Variants in NME7 observed in about 807,000 individuals in gnomAD.
NME7 encodes nucleoside diphosphate kinase 7.
NME7 carries 41 observed loss-of-function variants against 49.1 expected under a neutral mutation model. The observed-to-expected ratio is 0.83, with a 90% CI of 0.65 to 1.08. The LOEUF is 1.08. NME7 is among the 50% of genes least tolerant of loss of function. The probability of loss-of-function intolerance (pLI) is 0.00; values close to 1 mark genes in which losing one functional copy is unlikely to be tolerated. For missense variants in NME7, 423 were observed against 463.4 expected (o/e 0.91, Z 0.80); for synonymous variants, 139 against 150.6 (o/e 0.92, Z 0.56).
At chr1:169,268,929 C>T (rs1435447199) in intron 7 of NME7, among the ~76,000 whole-genome samples, 1 of 132,566 alleles carries the variant, frequency 7.5e-6, no homozygotes, top group African/African-American at 2.5e-5. Context: ...CACATGTACC[C>T]CTGAACCTAA....
chr1:169,247,633 C>G (rs569761129), intron 7 of NME7, among the ~76,000 whole-genome samples: 2 of 152,132 alleles, frequency 1.3e-5, no homozygotes, highest in South Asian at 2.1e-4. Flanking sequence ...TCCCTCACCC[C>G]CCTCAACCCT....
intron 11 of NME7, among the ~76,000 whole-genome samples, chr1:169,142,600 G>C (rs1378775627): frequency 6.6e-6 from 1 of 152,154 alleles, no homozygotes; most frequent in Non-Finnish European, 1.5e-5. Context: ...AAAAACCCAG[G>C]ATTACTAGTT....
chr1:169,310,119 G>T, intron 3 of NME7, 39 bp from the exon 4 acceptor site: 1 of 1,229,302 alleles, frequency 8.1e-7, no homozygotes, highest in Non-Finnish European at 1.2e-6. Context: ...AATAAAAATA[G>T]TTCAACAGTT....
chr1:169,132,728 G>A lies in NME7; in HGVS notation c.*57C>T. On this transcript the variant is annotated 3_prime_UTR_variant, in exon 12 of 12. Coordinates refer to ENST00000367811, the MANE Select transcript of NME7 (RefSeq NM_013330.5). ...ATAAAAGAATGAACACATTCCTCGT[G>A]TGTGATTCACTCTTGTCTAAATGTC... 6.7e-7 allele frequency: 1 copy of A among 1,496,696 alleles called. No individual in the cohort carries two copies. The highest frequency in any genetic ancestry group is 9.3e-7 in the Non-Finnish European group (1 of 1,077,426). The allele number at this position is 1,496,696 out of a possible 1,614,324, so 92.7% of individuals were successfully genotyped here. A position where few individuals can be genotyped will look rare whatever the true frequency, so the allele number is the denominator to read the frequency against.
intron 11 of NME7, among the ~76,000 whole-genome samples, chr1:169,157,350 G>A (rs1659108093): frequency 6.6e-6 from 1 of 152,182 alleles, no homozygotes. Flanking sequence ...CCCACAGGGA[G>A]AATGACAAGA....
intron 1 of NME7, among the ~76,000 whole-genome samples, chr1:169,329,387 G>A (rs1652178249): frequency 9.1e-6 from 1 of 109,382 alleles, no homozygotes; most frequent in Non-Finnish European, 1.8e-5. Context: ...ATGAAAATTT[G>A]TGTTTCCTGA....
intron 10 of NME7, 44 bp downstream of exon 10, chr1:169,230,674 A>T (rs770470742): frequency 1.5e-6 from 2 of 1,323,464 alleles, no homozygotes; most frequent in Middle Eastern, 2.3e-4. Context: ...TAAAATAGTG[A>T]ATAGATAACA....
intron 10 of NME7, among the ~76,000 whole-genome samples, chr1:169,189,681 A>G (rs1393224429): frequency 2.0e-5 from 3 of 152,170 alleles, no homozygotes; most frequent in African/African-American, 7.2e-5. Flanking sequence ...CTTAACAAAT[A>G]AAATTCTCTG....
intron 1 of NME7, among the ~76,000 whole-genome samples, chr1:169,362,071 G>A (rs1388213814): frequency 6.6e-6 from 1 of 152,064 alleles, no homozygotes; most frequent in Non-Finnish European, 1.5e-5. Flanking sequence ...AGCCAGGCAT[G>A]GTGGCACATG....
chr1:169,231,052 G>A (rs887900706), intron 9 of NME7, among the ~76,000 whole-genome samples: 16 of 151,820 alleles, frequency 1.1e-4, no homozygotes, highest in Admixed American at 5.9e-4. Context: ...TTTATCATCC[G>A]ACACTTTCAT....
intron 11 of NME7, among the ~76,000 whole-genome samples, chr1:169,138,651 C>A (rs545148564): frequency 1.3e-5 from 2 of 151,740 alleles, no homozygotes; most frequent in Non-Finnish European, 2.9e-5. Context: ...CCTGGGAAGT[C>A]GAGGATGTAA....
At chr1:169,190,759 T>C (rs981137230) in intron 10 of NME7, 2 of 361,382 alleles carry the variant, frequency 5.5e-6, no homozygotes, top group South Asian at 4.2e-5. Flanking sequence ...CTAAAATAAA[T>C]ATGGCATTTA....
At chr1:169,342,138 A>G (rs1652730468) in intron 1 of NME7, among the ~76,000 whole-genome samples, 4 of 152,090 alleles carry the variant, frequency 2.6e-5, no homozygotes, top group Admixed American at 2.6e-4. Flanking sequence ...CTCATTTCGA[A>G]TTGTAATCCC....
intron 11 of NME7, among the ~76,000 whole-genome samples, chr1:169,166,543 C>T (rs558594849): frequency 1.3e-5 from 2 of 152,196 alleles, no homozygotes; most frequent in African/African-American, 4.8e-5. Context: ...GAGAGGCATA[C>T]CACATATGAA....
chr1:169,310,029 A>G lies in NME7; in HGVS notation c.330T>C (p.Ile110=), dbSNP rs1309697150. The change falls in exon 4 of 12, where the codon ATT becomes ATC. Residue 110 remains isoleucine, a synonymous_variant. Transcript: ENST00000367811. The part of the protein sequence containing the change: ...PDAISKAGEI[I]EIINKAGFTI... ...TAAATCCAGCTTTGTTTATTATTTC[A>G]ATTATTTCTCCAGCCTTTGATATTG... 6.2e-7 allele frequency: 1 copy of G among 1,609,748 alleles called. No individual in the cohort carries two copies. Among genetic ancestry groups the G allele is most frequent in the South Asian group, 1.1e-5 (1 of 90,244 alleles).
At position 169,279,704 on chromosome 1, in the gene NME7, C is replaced by A. The variant is rs541203788; in HGVS notation, c.754+7599G>T. Among the ~76,000 whole-genome samples the A allele has an allele frequency of 3.3e-5, 5 of 152,348 alleles. No individual in the cohort carries two copies. The South Asian group carries it at 1.0e-3, about 32-fold the overall frequency. On this transcript the variant is annotated intron_variant, in intron 7 of 11. Coordinates refer to ENST00000367811, the MANE Select transcript of NME7 (RefSeq NM_013330.5). ...GATGCGCTGCACCCACTGTCCTGCG[C>A]CCACTGTCTGGCACTCCCTAGTGAG...
intron 7 of NME7, among the ~76,000 whole-genome samples, chr1:169,261,583 C>A (rs1264171304): frequency 7.5e-6 from 1 of 133,372 alleles, no homozygotes; most frequent in Admixed American, 7.4e-5. Flanking sequence ...CTAACCATCT[C>A]CTTGGTTGCT....
chr1:169,243,652 C>G (rs1342609195), intron 7 of NME7, among the ~76,000 whole-genome samples: 2 of 152,116 alleles, frequency 1.3e-5, no homozygotes, highest in East Asian at 3.8e-4. Context: ...CATGTAAAGG[C>G]ACAGTGAGAA....
intron 10 of NME7, among the ~76,000 whole-genome samples, chr1:169,219,323 T>C (rs1661070421): frequency 6.6e-6 from 1 of 152,220 alleles, no homozygotes; most frequent in Non-Finnish European, 1.5e-5. Context: ...GAATTTGCCA[T>C]GTGCTAAGTA....
Sources: allele counts gnomAD v4.1 joint callset (sites outside exome capture counted in the v4.1 genomes callset), GRCh38; gene constraint gnomAD v4.1.1; transcripts MANE v1.5; gene names NCBI Gene and HGNC (gene_info 2026-07-23, HGNC 2026-07-21).